Variants in CLPB observed in about 807,000 individuals in gnomAD.
CLPB encodes the protein ClpB family mitochondrial disaggregase, also known as mitochondrial disaggregase.
In CLPB, 40 loss-of-function variants were observed where a neutral mutation model predicts 78.4. That is an observed-to-expected ratio of 0.51 (90% confidence interval 0.40 to 0.66). The LOEUF (loss-of-function observed/expected upper bound fraction) is 0.66. CLPB is among the 30% of genes least tolerant of loss of function. The pLI, the probability that CLPB is intolerant of heterozygous loss-of-function variation, is 0.00. For synonymous variants in CLPB, 333 were observed against 348.0 expected, an observed-to-expected ratio of 0.96 and a Z score of 0.48; for missense variants, 780 against 886.9, an observed-to-expected ratio of 0.88 and a Z score of 1.53.
chr11:72,346,179 C>G (rs1048265644), intron 5 of CLPB, among the ~76,000 whole-genome samples: 1 of 152,042 alleles, frequency 6.6e-6, no homozygotes, highest in Admixed American at 6.6e-5. Context: ...CCCAGCTACA[C>G]GGGAGGCTGA....
intron 3 of CLPB, 67 bp from the exon 4 acceptor site, chr11:72,380,451 C>T (rs763362027): frequency 3.7e-5 from 47 of 1,275,138 alleles, no homozygotes; most frequent in Middle Eastern, 1.9e-4. Flanking sequence ...GACCCAGATC[C>T]GGAAGCATGT....
intron 7 of CLPB, among the ~76,000 whole-genome samples, chr11:72,309,049 G>A (rs1245517035): frequency 1.3e-5 from 2 of 152,206 alleles, no homozygotes; most frequent in Admixed American, 6.5e-5. Context: ...GGGATGTGGG[G>A]TGTGAGCCCT....
At chr11:72,401,074 G>A (rs755456157) in intron 3 of CLPB, among the ~76,000 whole-genome samples, 6 of 152,196 alleles carry the variant, frequency 3.9e-5, no homozygotes, top group African/African-American at 7.2e-5. Context: ...CTGAAATTCA[G>A]TTAAGGCTTG....
At chr11:72,332,204 CG>C (rs1167310335) in intron 5 of CLPB, among the ~76,000 whole-genome samples, 8 of 151,840 alleles carry the variant, frequency 5.3e-5, no homozygotes, top group African/African-American at 1.7e-4. Flanking sequence ...AATTCAAGGC[CG>C]GGCACAGTGG....
At chr11:72,304,061 T>C (rs996966981) in intron 9 of CLPB, 1 of 152,240 alleles carries the variant, frequency 6.6e-6, no homozygotes, top group Non-Finnish European at 1.5e-5. Flanking sequence ...AGATGGACTA[T>C]AGACTCTCGT....
At chr11:72,368,576 C>T (rs1312044249) in intron 4 of CLPB, among the ~76,000 whole-genome samples, 1 of 152,206 alleles carries the variant, frequency 6.6e-6, no homozygotes, top group Non-Finnish European at 1.5e-5. Flanking sequence ...TCTCCCTTTC[C>T]TCTATGCCTT....
In CLPB at chr11:72,342,203, G is replaced by A. The variant is rs76734615; in HGVS notation, c.776-12399C>T. ...CTACGGAATATTAAGCATCAACAAAGCTATGGAAGACATGAAAATGCCTGG... is the reference window on the plus strand; with the variant it reads ...CTACGGAATATTAAGCATCAACAAAACTATGGAAGACATGAAAATGCCTGG... On this transcript the variant is annotated intron_variant, in intron 5 of 15. Coordinates refer to ENST00000538039, the MANE Select transcript of CLPB (RefSeq NM_001258392.3). 7.2e-3 allele frequency among the ~76,000 whole-genome samples: 1,102 copies of A among 152,282 alleles called. 15 individuals are homozygous for A. The highest frequency in any genetic ancestry group is 0.038 in the East Asian group (195 of 5,192).
At chr11:72,320,171 G>C (rs1393176316) in intron 6 of CLPB, among the ~76,000 whole-genome samples, 1 of 152,164 alleles carries the variant, frequency 6.6e-6, no homozygotes, top group African/African-American at 2.4e-5. Flanking sequence ...TCCATCCATT[G>C]GTCTGTGGGG....
chr11:72,389,852 G>A (rs1855193923), intron 3 of CLPB, among the ~76,000 whole-genome samples: 1 of 152,114 alleles, frequency 6.6e-6, no homozygotes, highest in South Asian at 2.1e-4. Flanking sequence ...GGTCGAGGCT[G>A]CAGTGAGCTG....
At chr11:72,302,603 TTC>T (rs1949678891) in intron 9 of CLPB, 1 of 460,654 alleles carries the variant, frequency 2.2e-6, no homozygotes, top group African/African-American at 2.0e-5. Context: ...TTGGGGTGTC[TTC>T]TTTCAGGGAG....
rs745791300 is a variant in CLPB, at chr11:72,380,374, C to T, written c.553G>A (p.Val185Ile). ...AINRNNSVVQ[V>I]LLAAGADPNL... ...GGATCAGCCCCAGCAGCAAGCAGGA[C>T]CTGTACCACACTAGAAGAAATCACA... The change falls in exon 4 of 16, where the codon GTC becomes ATC. Residue 185 changes from valine (V) to isoleucine (I), a missense_variant. This residue lies in a region of CLPB where 417 missense variants were observed against 414.7 expected (regional missense o/e 1.01). Coordinates refer to ENST00000538039, the MANE Select transcript of CLPB (RefSeq NM_001258392.3). The T allele has an allele frequency of 6.2e-7, 1 of 1,613,786 alleles. No individual in the cohort carries two copies. Among genetic ancestry groups the T allele is most frequent in the African/African-American group, 1.3e-5 (1 of 74,908 alleles).
chr11:72,396,645 A>G (rs956261692), intron 3 of CLPB, among the ~76,000 whole-genome samples: 5 of 152,344 alleles, frequency 3.3e-5, no homozygotes, highest in Middle Eastern at 3.4e-3. Context: ...CTACTCATAA[A>G]GTGAATTTAT....
intron 11 of CLPB, among the ~76,000 whole-genome samples, chr11:72,299,571 C>T (rs1367608670): frequency 6.6e-6 from 1 of 152,194 alleles, no homozygotes; most frequent in African/African-American, 2.4e-5. Flanking sequence ...CTGCCAGCCC[C>T]GCCACTCTGT....
chr11:72,378,203 A>G (rs1343142487), intron 4 of CLPB, among the ~76,000 whole-genome samples: 1 of 152,206 alleles, frequency 6.6e-6, no homozygotes, highest in East Asian at 1.9e-4. Flanking sequence ...CACTCAAAAG[A>G]ATCCCCTCCT....
Position 72,312,136 on chromosome 11 carries a change from C to T in CLPB, c.989-3532G>A, listed in dbSNP as rs1042637405. 6.6e-6 allele frequency among the ~76,000 whole-genome samples: 1 copy of T among 152,170 alleles called. No individual in the cohort carries two copies. ...AAAACACTTATTCCTTTAGAGCCTC[C>T]GTTTCTTCCTCTATAAAATGGGAAC... On this transcript the variant is annotated intron_variant, in intron 7 of 15. Transcript: ENST00000538039. This position sits in a 1 kb window ranked among gnomAD's most constrained non-coding sequence, Gnocchi z 4.2.
chr11:72,347,227 G>A (rs1015464566), intron 5 of CLPB, among the ~76,000 whole-genome samples: 6 of 152,122 alleles, frequency 3.9e-5, no homozygotes, highest in Non-Finnish European at 5.9e-5. Context: ...ATGAGGAGCA[G>A]GATATTTTTG....
intron 2 of CLPB, among the ~76,000 whole-genome samples, chr11:72,410,197 C>A (rs1855835697): frequency 6.6e-6 from 1 of 152,016 alleles, no homozygotes; most frequent in African/African-American, 2.4e-5. Flanking sequence ...GCCACTGTAC[C>A]CCAGCCTAGG....
intron 3 of CLPB, among the ~76,000 whole-genome samples, chr11:72,401,990 GC>G (rs1855577061): frequency 6.6e-6 from 1 of 152,146 alleles, no homozygotes; most frequent in East Asian, 1.9e-4. Flanking sequence ...GGGCACAGTG[GC>G]TCACGCCTGT....
intron 7 of CLPB, 35 bp from the exon 8 acceptor site, chr11:72,308,639 G>C (rs753856042): frequency 2.5e-6 from 4 of 1,570,420 alleles, no homozygotes; most frequent in Non-Finnish European, 3.5e-6. Flanking sequence ...GGGACAGGGA[G>C]GGAGGCAGAT....
Sources: gnomAD v4.1 joint callset for allele counts (sites outside exome capture counted in the v4.1 genomes callset) on GRCh38, gnomAD v4.1.1 for gene constraint, gnomAD v4.1.1 regional missense constraint, Gnocchi (gnomAD v3.1) non-coding constraint, MANE v1.5 for transcripts, NCBI Gene and HGNC (gene_info 2026-07-23, HGNC 2026-07-21) for gene names.